The following PLOD3 variants were observed in gnomAD, a reference collection of about 807,000 sequenced individuals.
PLOD3 encodes multifunctional procollagen lysine hydroxylase and glycosyltransferase LH3.
In PLOD3, 73 loss-of-function variants were observed where a neutral mutation model predicts 96.9. The observed-to-expected ratio is 0.75, with a 90% confidence interval of 0.62 to 0.92. The LOEUF (loss-of-function observed/expected upper bound fraction) is 0.92. Among genes scored for constraint, PLOD3 ranks in the 40% least tolerant of loss-of-function variants. The pLI is 0.00. For synonymous variants in PLOD3, 454 were observed against 413.7 expected (o/e 1.10, Z -1.18); for missense variants, 1,004 against 1,004.3 (o/e 1.00, Z 0.00).
Position 101,217,236 on chromosome 7 carries a change from C to T in PLOD3, c.39G>A (p.Leu13=). 6.7e-7 allele frequency: 1 copy of T among 1,498,416 alleles called. No individual in the cohort carries two copies. Among genetic ancestry groups the T allele is most frequent in the South Asian group, 1.3e-5 (1 of 77,738 alleles). 92.8% of individuals were successfully genotyped at this position (1,498,416 alleles called of 1,614,324 possible). The change falls in exon 1 of 19, where the codon CTG becomes CTA. Residue 13 remains leucine (L), a synonymous_variant. Transcript: ENST00000223127. ...CCGCAGGGGGCAGCAGCAGCGGCAG[C>T]AGCAGCAGGAACCGGGGTCCAGGCC... ...SSGPGPRFLL[L]LPLLLPPAAS... is the part of the protein sequence containing the mutation.
chr7:101,213,012 G>T, intron 7 of PLOD3, 69 bp from the exon 8 acceptor site: 2 of 1,236,346 alleles, frequency 1.6e-6, no homozygotes, highest in Non-Finnish European at 2.3e-6. Context: ...AGGCACCTCT[G>T]ATATGGGGGC....
chr7:101,212,910 TG>T lies in PLOD3; in HGVS notation c.810del (p.Asn271MetfsTer87). ...CAGCCTCCCTCAGGAGTCCAGCCAT[TG>T]GGGACGTAGTTTCCCAGGTAGTTGA... ...LQLNYLGNYVPNGWTPEGGCG... is the reference protein window; with the variant it reads ...LQLNYLGNYVXNGWTPEGGCG... On this transcript the variant is annotated frameshift_variant, in exon 8 of 19. Transcript: ENST00000223127. LOFTEE classifies it high-confidence loss of function. The T allele has an allele frequency of 1.2e-6, 2 of 1,613,750 alleles. No homozygotes were observed. Among genetic ancestry groups the T allele is most frequent in the South Asian group, 2.2e-5 (2 of 91,056 alleles).
At chr7:101,216,650 C>T (rs750842847) in intron 2 of PLOD3, 45 bp downstream of exon 2, 4 of 1,606,136 alleles carry the variant, frequency 2.5e-6, no homozygotes, top group Non-Finnish European at 3.4e-6. Context: ...TTCAGCCCAC[C>T]CCTCCTGCTG....
intron 18 of PLOD3, 121 bp from the exon 19 acceptor site, chr7:101,206,557 G>T: frequency 9.5e-7 from 1 of 1,054,006 alleles, no homozygotes; most frequent in Non-Finnish European, 1.4e-6. Context: ...GGTGACAAGG[G>T]AGATGGCAGA....
rs920764958 is a variant in PLOD3 at position 101,212,628 on chromosome 7, A to T, written c.907T>A (p.Phe303Ile). The change falls in exon 9 of 19, where the codon TTT becomes ATT. Residue 303 changes from phenylalanine (F) to isoleucine (I), a missense_variant. This residue lies in a region of PLOD3 where 690 missense variants were observed against 650.2 expected (regional missense o/e 1.06). Coordinates refer to ENST00000223127, the MANE Select transcript of PLOD3 (RefSeq NM_001084.5). ...QPPPRVFLAV[F>I]VEQPTPFLPR... is the part of the protein sequence containing the mutation. The stretch of plus-strand genomic sequence containing the variant: ...AGAAACGGAGTAGGCTGTTCCACAA[A>T]CACGGCCAGAAACACCCGGGGGGGA... 1 of 1,613,686 alleles carries T rather than the reference A, an allele frequency of 6.2e-7. No individual in the cohort carries two copies. The highest frequency in any genetic ancestry group is 1.3e-5 in the African/African-American group (1 of 74,842).
rs145837848 is a variant in PLOD3 at position 101,210,330 on chromosome 7, C to T, written c.1614+1G>A. 9.3e-6 allele frequency: 15 copies of T among 1,611,762 alleles called. No homozygotes were observed. The highest frequency in any genetic ancestry group is 1.2e-5 in the Non-Finnish European group (14 of 1,178,024). ...GCTCTGGGCGTGGGGTCCCCACTCACGACGGGGTTGTCGAAGATCTGCCAG... is the reference window on the plus strand; with the variant it reads ...GCTCTGGGCGTGGGGTCCCCACTCATGACGGGGTTGTCGAAGATCTGCCAG... On this transcript the variant is annotated splice_donor_variant, in intron 14 of 18. Transcript: ENST00000223127. LOFTEE classifies it high-confidence loss of function.
rs140075236 is a variant in PLOD3 at position 101,215,127 on chromosome 7, T to A, written c.641A>T (p.His214Leu). ...LREKLSLNLD[H>L]KSRIFQNLNG... ...GAGGTTCTGAAAGATCCGAGACTTA[T>A]GATCCAGATTAAGGCTGAGTTTCTC... Residue 214 changes from histidine to leucine, a missense_variant, in exon 6 of 19, where the codon CAT becomes CTT. By Grantham distance (99) the His-to-Leu change is moderately conservative. Coordinates refer to ENST00000223127, the MANE Select transcript of PLOD3 (RefSeq NM_001084.5). The A allele has an allele frequency of 6.2e-6, 10 of 1,613,464 alleles. No homozygotes were observed. In the African/African-American group the frequency reaches 1.1e-4, roughly 17 times the overall value.
chr7:101,212,411 G>A (rs753588719), intron 9 of PLOD3, 37 bp from the exon 10 acceptor site: 5 of 1,608,770 alleles, frequency 3.1e-6, no homozygotes, highest in Non-Finnish European at 4.3e-6. Flanking sequence ...GGCTCAGAGG[G>A]CAGGGAGGCG....
At position 101,206,391 on chromosome 7, in the gene PLOD3, G is replaced by C; in HGVS notation, c.2107C>G (p.Pro703Ala). 1 of 1,613,598 alleles carries C rather than the reference G, an allele frequency of 6.2e-7. No homozygotes were observed. The highest frequency in any genetic ancestry group is 8.5e-7 in the Non-Finnish European group (1 of 1,179,766). Reference sequence around the variant, plus strand: ...TGCAGGAGTGCCCAGCCCTTCCTCGGGGAGGAGATCACACAGTCGTAGCGC... The same window carrying C: ...TGCAGGAGTGCCCAGCCCTTCCTCGCGGAGGAGATCACACAGTCGTAGCGC... ...FLRYDCVISSPRKGWALLHPG... is the reference protein window; with the variant it reads ...FLRYDCVISSARKGWALLHPG... Residue 703 changes from proline (P) to alanine (A), a missense_variant, in exon 19 of 19, where the codon CCG (proline) becomes GCG (alanine). Pro to Ala is a conservative substitution (Grantham distance 27). Coordinates refer to ENST00000223127, the MANE Select transcript of PLOD3 (RefSeq NM_001084.5).
chr7:101,216,074 C>T, intron 4 of PLOD3, 54 bp from the exon 5 acceptor site: 5 of 1,602,920 alleles, frequency 3.1e-6, no homozygotes, highest in South Asian at 1.1e-5. Context: ...CAGGGCCTGT[C>T]CCCCAGGCTG....
intron 17 of PLOD3, among the ~76,000 whole-genome samples, chr7:101,207,239 G>A (rs913123213): frequency 5.3e-5 from 8 of 152,138 alleles, no homozygotes; most frequent in Admixed American, 3.9e-4. Flanking sequence ...GCCTCGCAAA[G>A]TGCTGGGATT....
chr7:101,210,448 T>C lies in PLOD3; in HGVS notation c.1501-4A>G, dbSNP rs201285268. On this transcript the variant is annotated splice_polypyrimidine_tract_variant and splice_region_variant and intron_variant, in intron 13 of 18. Transcript: ENST00000223127. ...TGCTCAGATGGAGGAAGATGCCCTG[T>C]AGTGGGGTGGGGGTGTCCGTGATGC... is the stretch of plus-strand genomic sequence containing the variant. The C allele has an allele frequency of 1.2e-6, 2 of 1,613,976 alleles. No homozygotes were observed. Among genetic ancestry groups the C allele is most frequent in the African/African-American group, 2.7e-5 (2 of 75,038 alleles).
intron 12 of PLOD3, 160 bp from the exon 13 acceptor site, chr7:101,210,833 C>G: frequency 1.4e-6 from 1 of 712,588 alleles, no homozygotes; most frequent in Non-Finnish European, 2.3e-6. Flanking sequence ...ACCCCACCTC[C>G]CAAAATGCGG....
rs1798272143 is a variant in PLOD3 at position 101,216,327 on chromosome 7, C to G, written c.339-1G>C. 7 of 1,613,426 alleles carry G rather than the reference C, an allele frequency of 4.3e-6. No individual in the cohort carries two copies. The highest frequency in any genetic ancestry group is 5.9e-6 in the Non-Finnish European group (7 of 1,180,036). ...GCTGCCGGCCAGAATCACGTCGTAG[C>G]TGGGTGAGGAAGGGGAGGATGGGCA... On this transcript the variant is annotated splice_acceptor_variant, in intron 3 of 18. Transcript: ENST00000223127. LOFTEE classifies it high-confidence loss of function.
At position 101,206,242 on chromosome 7, in the gene PLOD3, G is replaced by C. The variant is rs758274703; in HGVS notation, c.*39C>G. On this transcript the variant is annotated 3_prime_UTR_variant, in exon 19 of 19. Coordinates refer to ENST00000223127, the MANE Select transcript of PLOD3 (RefSeq NM_001084.5). ...GGACGGGGGCCAGGCCCCCTAAAAA[G>C]GCACAATGGCAGGGCAGGTTTGGCA... is the stretch of plus-strand genomic sequence containing the variant. 165 of 1,611,326 alleles carry C rather than the reference G, an allele frequency of 1.0e-4. No individual in the cohort carries two copies. The highest frequency in any genetic ancestry group is 1.4e-4 in the Non-Finnish European group (162 of 1,177,780).
At position 101,207,572 on chromosome 7, in the gene PLOD3, G is replaced by A. The variant is rs2116795207; in HGVS notation, c.1935+6C>T. On this transcript the variant is annotated splice_donor_region_variant and intron_variant, in intron 17 of 18. Coordinates refer to ENST00000223127, the MANE Select transcript of PLOD3 (RefSeq NM_001084.5). ...TGGGGAGGCAGCTGGCAGGTGGGCAGCGCACCTTGGTGTGGTAACCGGGAA... is the reference window on the plus strand; with the variant it reads ...TGGGGAGGCAGCTGGCAGGTGGGCAACGCACCTTGGTGTGGTAACCGGGAA... 1 of 1,613,570 alleles carries A rather than the reference G, an allele frequency of 6.2e-7. No homozygotes were observed. The highest frequency in any genetic ancestry group is 1.1e-5 in the South Asian group (1 of 91,074).
chr7:101,210,019 G>T, intron 15 of PLOD3, 74 bp downstream of exon 15: 2 of 686,904 alleles, frequency 2.9e-6, no homozygotes, highest in Non-Finnish European at 2.4e-6. Context: ...TGAAAACTTT[G>T]AATCCAGGCG....
chr7:101,208,757 C>T, intron 16 of PLOD3, 96 bp downstream of exon 16: 1 of 840,786 alleles, frequency 1.2e-6, no homozygotes, highest in Admixed American at 1.9e-5. Flanking sequence ...CTGGGAACCC[C>T]TCTTTGCTCC....
rs761452213 is a variant in PLOD3 at position 101,210,354 on chromosome 7, A to G, written c.1591T>C (p.Trp531Arg). The change falls in exon 14 of 19, where the codon TGG (tryptophan) becomes CGG (arginine). Residue 531 changes from tryptophan to arginine, a missense_variant. Trp to Arg is a moderately radical substitution (Grantham distance 101). Transcript: ENST00000223127. ...YDTEHLHPDL[W>R]QIFDNPVDWK... Reference sequence around the variant, plus strand: ...ACGACGGGGTTGTCGAAGATCTGCCAGAGGTCGGGGTGCAGGTGCTCCGTG... The same window carrying G: ...ACGACGGGGTTGTCGAAGATCTGCCGGAGGTCGGGGTGCAGGTGCTCCGTG... 2 of 1,614,158 alleles carry G rather than the reference A, an allele frequency of 1.2e-6. No homozygotes were observed. The highest frequency in any genetic ancestry group is 2.7e-5 in the African/African-American group (2 of 75,064).
Sources: allele counts gnomAD v4.1 joint callset (sites outside exome capture counted in the v4.1 genomes callset), GRCh38; gene constraint gnomAD v4.1.1; regional missense constraint gnomAD v4.1.1; transcripts MANE v1.5; gene names NCBI Gene and HGNC (gene_info 2026-07-23, HGNC 2026-07-21).